Variants in ACTR3C observed in about 807,000 individuals in gnomAD.
ACTR3C encodes actin related protein 3C.
In ACTR3C, 18 loss-of-function variants were observed where a neutral mutation model predicts 26.3. That is an observed-to-expected ratio of 0.68 (90% CI 0.47 to 1.01). The LOEUF (loss-of-function observed/expected upper bound fraction) is 1.01, where lower values mean the gene tolerates loss of function less well. Ranked by LOEUF, ACTR3C falls within the 50% of genes least tolerant of loss-of-function variation. The pLI is 0.00. For missense variants in ACTR3C, 184 were observed against 250.7 expected (o/e 0.73, Z 1.80); for synonymous variants, 55 against 94.5 (o/e 0.58, Z 2.42).
the ACTR3C span, among the ~76,000 whole-genome samples, chr7:150,130,361 A>G: frequency 6.6e-6 from 1 of 152,340 alleles, no homozygotes; most frequent in South Asian, 2.1e-4. Flanking sequence ...TTCAAAAGGC[A>G]CTATTAAGGT....
the ACTR3C span, among the ~76,000 whole-genome samples, chr7:150,180,761 C>T: frequency 3.4e-5 from 5 of 149,084 alleles, no homozygotes; most frequent in East Asian, 3.9e-4. Context: ...CCGCCCGCCT[C>T]GGCCTCCAAA....
chr7:150,305,340 CCCT>C (rs1209767916), intron 1 of ACTR3C, among the ~76,000 whole-genome samples: 1 of 152,158 alleles, frequency 6.6e-6, no homozygotes, highest in African/African-American at 2.4e-5. Context: ...TCACCCTACG[CCCT>C]CCTCGGAGGC....
chr7:150,154,896 A>G, the ACTR3C span, among the ~76,000 whole-genome samples: 1 of 152,212 alleles, frequency 6.6e-6, no homozygotes, highest in Non-Finnish European at 1.5e-5. Flanking sequence ...TGATATTAAC[A>G]AAATCTACAA....
the ACTR3C span, among the ~76,000 whole-genome samples, chr7:150,142,429 C>A: frequency 6.6e-6 from 1 of 152,220 alleles, no homozygotes; most frequent in Non-Finnish European, 1.5e-5. Flanking sequence ...CAAGCGCACT[C>A]CCCCAGCCCT....
chr7:150,305,410 C>T (rs544729053), intron 1 of ACTR3C, among the ~76,000 whole-genome samples: 2 of 152,132 alleles, frequency 1.3e-5, no homozygotes, highest in Admixed American at 1.3e-4. Context: ...GGTGTCTGCC[C>T]ACAAAGTCTC....
At chr7:150,016,036 C>A in the ACTR3C span, among the ~76,000 whole-genome samples, 2 of 151,592 alleles carry the variant, frequency 1.3e-5, no homozygotes, top group African/African-American at 2.4e-5. Context: ...GTGCACTGAT[C>A]ACAGTGCATA....
Position 150,309,947 on chromosome 7 carries a change from A to T in ACTR3C, c.-52+13522T>A, listed in dbSNP as rs139036833. ...TTGATATGGAGGCTACCCACTCCAC[A>T]TTACCTTCTTTTCAAGGGCCTGTTT... On this transcript the variant is annotated intron_variant, in intron 1 of 7. Transcript: ENST00000683684. Among the ~76,000 whole-genome samples the T allele has an allele frequency of 2.1e-3, 324 of 152,160 alleles. 5 individuals carry two copies. The East Asian group carries it at 0.056, about 27-fold the overall frequency.
the ACTR3C span, among the ~76,000 whole-genome samples, chr7:150,139,103 G>A: frequency 1.3e-5 from 2 of 152,254 alleles, no homozygotes; most frequent in African/African-American, 4.8e-5. Flanking sequence ...TAAATGCAAT[G>A]TGCTTGAATC....
At chr7:150,016,386 T>C in the ACTR3C span, among the ~76,000 whole-genome samples, 1 of 152,052 alleles carries the variant, frequency 6.6e-6, no homozygotes, top group Admixed American at 6.5e-5. Flanking sequence ...CAGAAGGTAA[T>C]ACACATCTCA....
At chr7:150,226,360 T>C in the ACTR3C span, among the ~76,000 whole-genome samples, 1 of 152,128 alleles carries the variant, frequency 6.6e-6, no homozygotes, top group Non-Finnish European at 1.5e-5. Context: ...CCCCAGTCGT[T>C]GGTATCTCCA....
chr7:150,171,004 G>A, the ACTR3C span, among the ~76,000 whole-genome samples: 4,477 of 119,214 alleles, frequency 0.038, 71 homozygotes, highest in African/African-American at 0.095. Flanking sequence ...GATCTGCAAA[G>A]AGAAATGGAA....
the ACTR3C span, among the ~76,000 whole-genome samples, chr7:149,979,708 T>C: frequency 1.3e-5 from 2 of 151,518 alleles, no homozygotes; most frequent in Non-Finnish European, 2.9e-5. Context: ...TAATCAGATC[T>C]AGTAAATGAA....
the ACTR3C span, among the ~76,000 whole-genome samples, chr7:150,086,997 C>T: frequency 6.6e-6 from 1 of 152,156 alleles, no homozygotes; most frequent in Non-Finnish European, 1.5e-5. Context: ...TGCAATCCTT[C>T]TACAGAGAGG....
the ACTR3C span, among the ~76,000 whole-genome samples, chr7:150,122,451 T>A: frequency 6.6e-6 from 1 of 152,098 alleles, no homozygotes; most frequent in Non-Finnish European, 1.5e-5. Context: ...ACTTTTCAAA[T>A]GAAGACATTT....
the ACTR3C span, among the ~76,000 whole-genome samples, chr7:150,090,022 T>C: frequency 6.6e-6 from 1 of 152,234 alleles, no homozygotes; most frequent in Admixed American, 6.5e-5. Flanking sequence ...AGGGAAGCAT[T>C]CTGTGATTTA....
At chr7:150,036,962 G>A in the ACTR3C span, among the ~76,000 whole-genome samples, 13 of 82,588 alleles carry the variant, frequency 1.6e-4, 4 homozygotes, top group Non-Finnish European at 3.4e-4. Context: ...ACCAGGGGCT[G>A]GCTCTCAGTC....
chr7:150,229,808 C>A, the ACTR3C span, among the ~76,000 whole-genome samples: 31,393 of 149,762 alleles, frequency 0.21, 5,252 homozygotes, highest in African/African-American at 0.46. Flanking sequence ...AGAGTGATTA[C>A]TTTTTAAATG....
At chr7:150,254,029 C>G (rs1042769674) in intron 6 of ACTR3C, among the ~76,000 whole-genome samples, 1 of 152,110 alleles carries the variant, frequency 6.6e-6, no homozygotes, top group Non-Finnish European at 1.5e-5. Flanking sequence ...TTTGACTATT[C>G]CCTAATGTTC....
the ACTR3C span, among the ~76,000 whole-genome samples, chr7:149,882,626 T>G: frequency 1.3e-5 from 2 of 152,140 alleles, no homozygotes; most frequent in Non-Finnish European, 2.9e-5. Flanking sequence ...AGGCTTTCCC[T>G]CCAGGCCCGA....
Sources: allele counts gnomAD v4.1 joint callset (sites outside exome capture counted in the v4.1 genomes callset), GRCh38; gene constraint gnomAD v4.1.1; transcripts MANE v1.5; gene names NCBI Gene and HGNC (gene_info 2026-07-23, HGNC 2026-07-21).